Variants in TXNDC12 observed in about 807,000 individuals in gnomAD.
TXNDC12 encodes the protein thioredoxin domain containing 12, also known as thioredoxin domain-containing protein 12.
Under a neutral mutation model 24.2 loss-of-function variants are expected in TXNDC12, and 22 were observed. That is an observed-to-expected ratio of 0.91 (90% CI 0.65 to 1.30). The LOEUF (loss-of-function observed/expected upper bound fraction) is 1.30, where lower values mean the gene tolerates loss of function less well. Among genes scored for constraint, TXNDC12 ranks in the 50% most tolerant of loss-of-function variants. The pLI is 0.00. For missense variants in TXNDC12, 184 were observed against 205.8 expected, an observed-to-expected ratio of 0.89 and a Z score of 0.65; for synonymous variants, 58 against 73.4, an observed-to-expected ratio of 0.79 and a Z score of 1.07.
rs373973456 is a variant in TXNDC12 at position 52,032,188 on chromosome 1, C to T, written c.159-3558G>A. The T allele has an allele frequency of 8.1e-6, 8 of 985,092 alleles. No homozygotes were observed. The African/African-American group carries it at 1.2e-4, about 15-fold the overall frequency. 61.0% of individuals were successfully genotyped at this position (985,092 alleles called of 1,614,324 possible). On this transcript the variant is annotated intron_variant, in intron 2 of 6. Coordinates refer to ENST00000371626, the MANE Select transcript of TXNDC12 (RefSeq NM_015913.4). ...ACAAAAACAAAGTTTCTCAAGGATA[C>T]AAACCAATGGATTTATCTGTGAACT...
intron 2 of TXNDC12, chr1:52,033,071 T>A (rs1224271228): frequency 6.2e-7 from 1 of 1,601,198 alleles, no homozygotes; most frequent in Non-Finnish European, 8.5e-7. Flanking sequence ...CCCACCAAAG[T>A]GAATAAAGGC....
chr1:52,045,303 C>A (rs1244053188), intron 1 of TXNDC12, among the ~76,000 whole-genome samples: 1 of 152,106 alleles, frequency 6.6e-6, no homozygotes, highest in African/African-American at 2.4e-5. Context: ...TGAAACTATT[C>A]TATATGAAAC....
intron 1 of TXNDC12, among the ~76,000 whole-genome samples, chr1:52,046,745 C>T (rs191636116): frequency 1.3e-5 from 2 of 148,708 alleles, no homozygotes; most frequent in African/African-American, 2.5e-5. Context: ...AGGCCAGGCG[C>T]GGTGGCTCAC....
chr1:52,023,341 T>C, intron 6 of TXNDC12, 150 bp downstream of exon 6: 1 of 593,292 alleles, frequency 1.7e-6, no homozygotes, highest in Non-Finnish European at 2.9e-6. Flanking sequence ...ATCTTCCTCC[T>C]ATATCCTACA....
intron 1 of TXNDC12, among the ~76,000 whole-genome samples, chr1:52,047,088 A>G (rs955822006): frequency 3.3e-5 from 5 of 152,078 alleles, no homozygotes; most frequent in African/African-American, 1.2e-4. Flanking sequence ...GAAAGCTGAT[A>G]GAAATGATAC....
At chr1:52,055,516 T>C, upstream of TXNDC12, 1 of 203,606 alleles carries the variant, frequency 4.9e-6, no homozygotes, top group South Asian at 7.5e-5. Context: ...AAATTATTGA[T>C]TCGTGAGGTC....
chr1:52,053,202 G>A (rs1461225419), intron 1 of TXNDC12, among the ~76,000 whole-genome samples: 3 of 151,824 alleles, frequency 2.0e-5, no homozygotes, highest in Non-Finnish European at 4.4e-5. Flanking sequence ...GGCAGAAGTT[G>A]CAGTAAGCCG....
At chr1:52,055,973 G>A (rs935517330), upstream of TXNDC12, 1 of 152,078 alleles carries the variant, frequency 6.6e-6, no homozygotes, top group Non-Finnish European at 1.5e-5. Flanking sequence ...TTTTCTTCCT[G>A]GTACTAGTTG....
chr1:52,043,088 C>G (rs1001796556), intron 1 of TXNDC12, among the ~76,000 whole-genome samples: 1 of 152,198 alleles, frequency 6.6e-6, no homozygotes, highest in Non-Finnish European at 1.5e-5. Context: ...ATGAGAGTAG[C>G]ACGCACTCTC....
intron 2 of TXNDC12, chr1:52,034,048 A>T (rs1320020478): frequency 2.3e-5 from 32 of 1,379,166 alleles, no homozygotes; most frequent in Non-Finnish European, 2.9e-5. Context: ...TTTATTAATA[A>T]GGCCTAAGGG....
At chr1:52,045,305 A>G (rs1318881612) in intron 1 of TXNDC12, among the ~76,000 whole-genome samples, 1 of 152,216 alleles carries the variant, frequency 6.6e-6, no homozygotes, top group Non-Finnish European at 1.5e-5. Context: ...AAACTATTCT[A>G]TATGAAACTG....
At chr1:52,024,415 A>C (rs1316924356) in intron 5 of TXNDC12, 95 bp downstream of exon 5, 6 of 932,640 alleles carry the variant, frequency 6.4e-6, no homozygotes, top group Admixed American at 6.4e-5. Context: ...GTTTGTGGTC[A>C]TCCTGGTATA....
chr1:52,054,280 ACT>A lies in TXNDC12; in HGVS notation c.97+718_97+719del, dbSNP rs565980605. 1.3e-4 allele frequency among the ~76,000 whole-genome samples: 20 copies of A among 152,196 alleles called. No homozygotes were observed. The East Asian group carries it at 3.7e-3, about 28-fold the overall frequency. ...AATTCATCTACTTAGAAAAGCATAA[ACT>A]CTGAGTTCACAGACTGTCAGTCCAA... On this transcript the variant is annotated intron_variant, in intron 1 of 6. Transcript: ENST00000371626.
chr1:52,020,845 A>C lies in TXNDC12; in HGVS notation c.*88T>G. ...AGGAATGAGGTTTCCTGGTCGGCTT[A>C]ATTGTTCTAGATGATTCCTCAATAT... On this transcript the variant is annotated 3_prime_UTR_variant, in exon 7 of 7. Coordinates refer to ENST00000371626, the MANE Select transcript of TXNDC12 (RefSeq NM_015913.4). 1.7e-6 allele frequency: 2 copies of C among 1,159,006 alleles called. No individual in the cohort carries two copies. Among genetic ancestry groups the C allele is most frequent in the Non-Finnish European group, 2.6e-6 (2 of 783,668 alleles). The allele number at this position is 1,159,006 out of a possible 1,614,324, so 71.8% of individuals were successfully genotyped here.
chr1:52,051,710 C>T (rs1237877858), intron 1 of TXNDC12: 1 of 169,174 alleles, frequency 5.9e-6, no homozygotes, highest in East Asian at 1.9e-4. Context: ...AGTGCTAAGT[C>T]CACATCACTG....
intron 2 of TXNDC12, among the ~76,000 whole-genome samples, chr1:52,036,954 GAC>G (rs770855992): frequency 2.0e-5 from 3 of 152,080 alleles, no homozygotes; most frequent in African/African-American, 4.8e-5. Flanking sequence ...TGTACATCTG[GAC>G]ACAGTTTTAT....
intron 6 of TXNDC12, among the ~76,000 whole-genome samples, chr1:52,021,816 C>T (rs1685601358): frequency 6.6e-6 from 1 of 152,084 alleles, no homozygotes; most frequent in Non-Finnish European, 1.5e-5. Context: ...GCAGATAATA[C>T]AGTTTGTTAT....
chr1:52,028,421 G>C (rs188233703), intron 3 of TXNDC12, among the ~76,000 whole-genome samples, 157 bp downstream of exon 3: 6 of 152,170 alleles, frequency 3.9e-5, no homozygotes, highest in Non-Finnish European at 8.8e-5. Flanking sequence ...AAATATAATT[G>C]CAAATTTCAT....
At chr1:52,052,825 G>C (rs930150194) in intron 1 of TXNDC12, 2 of 152,270 alleles carry the variant, frequency 1.3e-5, no homozygotes, top group African/African-American at 4.8e-5. Context: ...AACTTGAACA[G>C]AGCAAATTAT....
Sources: gnomAD v4.1 joint callset for allele counts (sites outside exome capture counted in the v4.1 genomes callset) on GRCh38, gnomAD v4.1.1 for gene constraint, MANE v1.5 for transcripts, NCBI Gene and HGNC (gene_info 2026-07-23, HGNC 2026-07-21) for gene names.